EFTUD2: variants seen among roughly 807,000 people sequenced by gnomAD.
The protein encoded by EFTUD2 is elongation factor Tu GTP binding domain containing 2.
A neutral mutation model predicts 114.3 loss-of-function variants in EFTUD2; 9 were observed. The ratio of observed to expected loss-of-function variants is 0.08; its 90% CI spans 0.05 to 0.14. The LOEUF (loss-of-function observed/expected upper bound fraction) is 0.14. EFTUD2 is among the 10% of genes least tolerant of loss of function. The pLI is 1.00. For missense variants in EFTUD2, 765 were observed against 1,241.2 expected (o/e 0.62, Z 5.76); for synonymous variants, 449 against 462.3 (o/e 0.97, Z 0.37).
chr17:44,878,594 T>C (rs1597814096), intron 9 of EFTUD2, among the ~76,000 whole-genome samples: 1 of 152,356 alleles, frequency 6.6e-6, no homozygotes, highest in African/African-American at 2.4e-5. Flanking sequence ...TGTGGTTACA[T>C]AGGTGAATGT....
chr17:44,853,343 G>T lies in EFTUD2; in HGVS notation c.2514C>A (p.Ala838=). 1 of 1,614,088 alleles carries T rather than the reference G, an allele frequency of 6.2e-7. No individual in the cohort carries two copies. The highest frequency in any genetic ancestry group is 8.5e-7 in the Non-Finnish European group (1 of 1,179,976). Residue 838 remains alanine (A), a synonymous_variant, in exon 25 of 28, where the codon GCC becomes GCA. Coordinates refer to ENST00000426333, the MANE Select transcript of EFTUD2 (RefSeq NM_004247.4). ...AAACTGCAGAGACGCAATCTGCAGGGGCCTGGACCTCTACAAAGTAGTAAG... is the reference window on the plus strand; with the variant it reads ...AAACTGCAGAGACGCAATCTGCAGGTGCCTGGACCTCTACAAAGTAGTAAG... ...MEPYYFVEVQ[A]PADCVSAVYT...
chr17:44,863,933 G>T, intron 14 of EFTUD2, 151 bp from the exon 15 acceptor site: 1 of 1,011,296 alleles, frequency 9.9e-7, no homozygotes, highest in Non-Finnish European at 1.4e-6. Context: ...GTGATAGCCT[G>T]CTTCCTGGGA....
In EFTUD2 at chr17:44,870,437, G is replaced by C. The variant is rs889460522; in HGVS notation, c.994+2009C>G. Reference sequence around the variant, plus strand: ...ATATACATCTAATAACAAGAAAATGGTCAATGGCCCAATGCTGTGTGAAAA... The same window carrying C: ...ATATACATCTAATAACAAGAAAATGCTCAATGGCCCAATGCTGTGTGAAAA... On this transcript the variant is annotated intron_variant, in intron 11 of 27. Transcript: ENST00000426333. 1.2e-4 allele frequency among the ~76,000 whole-genome samples: 18 copies of C among 152,132 alleles called. 1 individual carries two copies. The East Asian group carries it at 3.3e-3, about 28-fold the overall frequency.
Position 44,879,653 on chromosome 17 carries a change from C to T in EFTUD2, c.620-15G>A, listed in dbSNP as rs11656869. 2 of 1,612,924 alleles carry T rather than the reference C, an allele frequency of 1.2e-6. No homozygotes were observed. Among genetic ancestry groups the T allele is most frequent in the Non-Finnish European group, 1.7e-6 (2 of 1,179,552 alleles). ...ATTCACATGTCCTGAAAAGCAAATA[C>T]TAAGTAAGTCATCACTTGGTGCAGG... On this transcript the variant is annotated splice_polypyrimidine_tract_variant and intron_variant, in intron 8 of 27. Transcript: ENST00000426333.
intron 9 of EFTUD2, among the ~76,000 whole-genome samples, chr17:44,877,274 A>T (rs1242783202): frequency 8.5e-5 from 13 of 152,196 alleles, no homozygotes; most frequent in Admixed American, 8.5e-4. Context: ...GATAACGTCT[A>T]GAACATCTTT....
At chr17:44,866,751 G>A (rs752521328) in intron 13 of EFTUD2, among the ~76,000 whole-genome samples, 3 of 152,148 alleles carry the variant, frequency 2.0e-5, no homozygotes, top group Non-Finnish European at 2.9e-5. Context: ...TCAGATTAAT[G>A]AGCATAACTG....
Position 44,854,238 on chromosome 17 carries a change from G to A in EFTUD2, c.2347+31C>T, listed in dbSNP as rs1289329007. The A allele has an allele frequency of 6.3e-7, 1 of 1,591,082 alleles. No homozygotes were observed. On this transcript the variant is annotated intron_variant, in intron 23 of 27. Transcript: ENST00000426333. The surrounding 1 kb of genome is among the most constrained non-coding windows in gnomAD (Gnocchi z 4.3). ...ATGCCTGGCTGCAAGGACCCTCGAG[G>A]ACTGGGGTGGGGGAGTGCTGGTGGA...
At chr17:44,865,170 G>C in intron 13 of EFTUD2, 105 bp from the exon 14 acceptor site, 1 of 1,483,240 alleles carries the variant, frequency 6.7e-7, no homozygotes, top group Non-Finnish European at 9.1e-7. Flanking sequence ...TCCTTCACAA[G>C]GCTCTCTTCT....
chr17:44,879,327 C>A (rs545067050), intron 9 of EFTUD2, among the ~76,000 whole-genome samples: 1 of 152,266 alleles, frequency 6.6e-6, no homozygotes, highest in East Asian at 1.9e-4. Context: ...CTCAGGTGAT[C>A]CACCCACCTC....
Position 44,874,235 on chromosome 17 carries a change from G to C in EFTUD2, c.870-1665C>G, listed in dbSNP as rs186650603. On this transcript the variant is annotated intron_variant, in intron 10 of 27. Transcript: ENST00000426333. The stretch of plus-strand genomic sequence containing the variant: ...TTCAAAATTATTTTTTGTAGACACA[G>C]AGTCTAGCTATGTTGCCCAGGCTGG... 1.3e-3 allele frequency among the ~76,000 whole-genome samples: 195 copies of C among 152,004 alleles called. 1 individual carries two copies. Among genetic ancestry groups the C allele is most frequent in the African/African-American group, 4.6e-3 (190 of 41,444 alleles).
At chr17:44,885,193 A>G (rs1360840298) in intron 4 of EFTUD2, 63 bp downstream of exon 4, 2 of 1,383,354 alleles carry the variant, frequency 1.4e-6, no homozygotes, top group African/African-American at 1.4e-5. Flanking sequence ...GCCACCTCTT[A>G]TCTCTACAAA....
At chr17:44,863,840 A>G (rs2050699805) in intron 14 of EFTUD2, 58 bp from the exon 15 acceptor site, 1 of 1,598,806 alleles carries the variant, frequency 6.3e-7, no homozygotes. Flanking sequence ...CACGAGCAGG[A>G]GTTACTGAGC....
chr17:44,858,080 T>C (rs1597793408), intron 19 of EFTUD2, among the ~76,000 whole-genome samples: 1 of 151,946 alleles, frequency 6.6e-6, no homozygotes, highest in African/African-American at 2.4e-5. Flanking sequence ...CGCCACCATG[T>C]CTGGCTAATT....
Position 44,852,386 on chromosome 17 carries a change from G to T in EFTUD2, c.2715+23C>A, listed in dbSNP as rs749946969. 4.3e-6 allele frequency: 7 copies of T among 1,611,272 alleles called. No homozygotes were observed. In the Admixed American group the frequency reaches 1.2e-4, roughly 27 times the overall value. ...CTTGCAGAGGTGGGAAGCCAAGTCC[G>T]CCAGCCTGCATTGCTTTCTCACCTG... is the stretch of plus-strand genomic sequence containing the variant. On this transcript the variant is annotated intron_variant, in intron 26 of 27. Coordinates refer to ENST00000426333, the MANE Select transcript of EFTUD2 (RefSeq NM_004247.4).
In EFTUD2 at chr17:44,850,248, A is replaced by T; in HGVS notation, c.*1026T>A. 9.7e-7 allele frequency: 1 copy of T among 1,032,982 alleles called. No homozygotes were observed. Among genetic ancestry groups the T allele is most frequent in the Non-Finnish European group, 1.5e-6 (1 of 683,566 alleles). The allele number at this position is 1,032,982 out of a possible 1,614,324, so 64.0% of individuals were successfully genotyped here. On this transcript the variant is annotated 3_prime_UTR_variant, in exon 28 of 28. Coordinates refer to ENST00000426333, the MANE Select transcript of EFTUD2 (RefSeq NM_004247.4). Reference sequence around the variant, plus strand: ...GCTGGACTCTCAAGGGAGCAGCTAGAGGTGAACCCCTAGGACGCCTGAGAG... The same window carrying T: ...GCTGGACTCTCAAGGGAGCAGCTAGTGGTGAACCCCTAGGACGCCTGAGAG...
At position 44,859,909 on chromosome 17, in the gene EFTUD2, G is replaced by C. The variant is rs773704461; in HGVS notation, c.1856C>G (p.Thr619Ser). Residue 619 changes from threonine (T) to serine (S), a missense_variant, in exon 18 of 28, where the codon ACC becomes AGC. Thr to Ser is a moderately conservative substitution (Grantham distance 58). Coordinates refer to ENST00000426333, the MANE Select transcript of EFTUD2 (RefSeq NM_004247.4). ...TGCTGCAGGCCATGGGCATACCTTG[G>C]TGGTGAGGGATGGATAGCTCTTGTT... ...KVNKSYPSLTTKVEESGEHVI... is the reference protein window; with the variant it reads ...KVNKSYPSLTSKVEESGEHVI... 1 of 1,614,060 alleles carries C rather than the reference G, an allele frequency of 6.2e-7. No homozygotes were observed. Among genetic ancestry groups the C allele is most frequent in the Non-Finnish European group, 8.5e-7 (1 of 1,180,052 alleles).
intron 9 of EFTUD2, among the ~76,000 whole-genome samples, chr17:44,877,203 G>GA (rs879579066): frequency 0.015 from 2,115 of 142,766 alleles, 25 homozygotes; most frequent in Non-Finnish European, 0.025. Flanking sequence ...CTCTTTGAAG[G>GA]AAAAAAAAAA....
rs1333505937 is a variant in EFTUD2 at position 44,851,039 on chromosome 17, C to T, written c.*235G>A. The T allele has an allele frequency of 4.0e-6, 2 of 501,118 alleles. No individual in the cohort carries two copies. Among genetic ancestry groups the T allele is most frequent in the East Asian group, 6.5e-5 (2 of 30,650 alleles). The allele number at this position is 501,118 out of a possible 1,614,324, so 31.0% of individuals were successfully genotyped here. A position where few individuals can be genotyped will look rare whatever the true frequency, so the allele number is the denominator to read the frequency against. On this transcript the variant is annotated 3_prime_UTR_variant, in exon 28 of 28. Coordinates refer to ENST00000426333, the MANE Select transcript of EFTUD2 (RefSeq NM_004247.4). Reference sequence around the variant, plus strand: ...CCCCTTCTCTTTCTGTGAGCCCAAGCTCCTCTCTTTTCCTTGGGAATGGAG... The same window carrying T: ...CCCCTTCTCTTTCTGTGAGCCCAAGTTCCTCTCTTTTCCTTGGGAATGGAG...
intron 7 of EFTUD2, among the ~76,000 whole-genome samples, chr17:44,881,395 T>C (rs1285531355): frequency 6.6e-6 from 1 of 152,204 alleles, no homozygotes; most frequent in Non-Finnish European, 1.5e-5. Context: ...CTGCGTAACT[T>C]ATAGCACAAA....
Sources: gnomAD v4.1 joint callset for allele counts (sites outside exome capture counted in the v4.1 genomes callset) on GRCh38, gnomAD v4.1.1 for gene constraint, Gnocchi (gnomAD v3.1) non-coding constraint, MANE v1.5 for transcripts, NCBI Gene and HGNC (gene_info 2026-07-23, HGNC 2026-07-21) for gene names.